The following EPM2A variants were observed in gnomAD, a reference collection of about 807,000 sequenced individuals.
EPM2A encodes laforin.
In EPM2A, 21 loss-of-function variants were observed where a neutral mutation model predicts 26.5. That is an observed-to-expected ratio of 0.79 (90% confidence interval 0.56 to 1.14). The LOEUF (loss-of-function observed/expected upper bound fraction) is 1.14. Ranked by LOEUF, EPM2A falls within the 50% of genes most tolerant of loss-of-function variation. The pLI, the probability that EPM2A is intolerant of heterozygous loss-of-function variation, is 0.00. For missense variants in EPM2A, 458 were observed against 440.8 expected (o/e 1.04, Z -0.35); for synonymous variants, 217 against 177.6 (o/e 1.22, Z -1.76).
intron 1 of EPM2A, among the ~76,000 whole-genome samples, chr6:145,719,539 G>A (rs1775837199): frequency 6.6e-6 from 1 of 151,816 alleles, no homozygotes; most frequent in Non-Finnish European, 1.5e-5. Flanking sequence ...AAGTTAGTGG[G>A]TGCAGCACAC....
intron 4 of EPM2A, among the ~76,000 whole-genome samples, chr6:145,429,704 CTT>C (rs1778897861): frequency 6.6e-6 from 1 of 152,028 alleles, no homozygotes; most frequent in South Asian, 2.1e-4. Context: ...ATAAGGATCT[CTT>C]ATAGAAATTG....
At chr6:145,565,742 C>T (rs767830373) in intron 2 of EPM2A, among the ~76,000 whole-genome samples, 8 of 152,140 alleles carry the variant, frequency 5.3e-5, no homozygotes, top group Non-Finnish European at 8.8e-5. Context: ...TATCAACCTG[C>T]CCAAATGGTC....
At chr6:145,578,336 A>G (rs1209773296) in intron 2 of EPM2A, among the ~76,000 whole-genome samples, 2 of 152,134 alleles carry the variant, frequency 1.3e-5, no homozygotes, top group Non-Finnish European at 2.9e-5. Flanking sequence ...CAAATAAATA[A>G]AACTAGAGAT....
chr6:145,420,902 ATAAC>A (rs1268069885), intron 4 of EPM2A, among the ~76,000 whole-genome samples: 1 of 152,172 alleles, frequency 6.6e-6, no homozygotes, highest in Non-Finnish European at 1.5e-5. Context: ...CACTCCCAAG[ATAAC>A]TAACTCATTT....
chr6:145,467,780 G>T lies in EPM2A; in HGVS notation c.555+34742C>A, dbSNP rs957131615. Among the ~76,000 whole-genome samples, 11 of 151,980 alleles carry T rather than the reference G, an allele frequency of 7.2e-5. No individual in the cohort carries two copies. In the South Asian group the frequency reaches 1.2e-3, roughly 17 times the overall value. On this transcript the variant is annotated intron_variant, in intron 4 of 4. Transcript: ENST00000638717. ...CTGATTTATATATCCTTCAAAGAGT[G>T]TTACACTGTTTTTCGTAACAGTCTT...
At chr6:145,388,062 A>T (rs1253175369) in intron 4 of EPM2A, among the ~76,000 whole-genome samples, 1 of 152,210 alleles carries the variant, frequency 6.6e-6, no homozygotes, top group Non-Finnish European at 1.5e-5. Flanking sequence ...TTTCACAATT[A>T]AACATACATT....
intron 4 of EPM2A, among the ~76,000 whole-genome samples, chr6:145,465,069 T>G (rs999393997): frequency 3.2e-4 from 48 of 152,174 alleles, no homozygotes; most frequent in African/African-American, 1.1e-3. Flanking sequence ...CTGCAGAGTG[T>G]TTTCCAACTT....
chr6:145,560,583 A>G (rs1207338862), intron 2 of EPM2A, among the ~76,000 whole-genome samples: 1 of 152,194 alleles, frequency 6.6e-6, no homozygotes, highest in Non-Finnish European at 1.5e-5. Context: ...GGCAAAATCC[A>G]TATCGACATC....
chr6:145,501,876 A>G (rs1191571209), intron 3 of EPM2A: 5 of 470,940 alleles, frequency 1.1e-5, no homozygotes, highest in Admixed American at 4.7e-5. Context: ...AGATACAGGT[A>G]GAGGTGACAA....
At chr6:145,529,145 G>A (rs985255292) in intron 2 of EPM2A, among the ~76,000 whole-genome samples, 50 of 152,150 alleles carry the variant, frequency 3.3e-4, no homozygotes, top group Non-Finnish European at 7.3e-5. Flanking sequence ...TCTTGAGATA[G>A]AGACTACTCC....
intron 1 of EPM2A, among the ~76,000 whole-genome samples, chr6:145,692,862 T>A (rs1268194591): frequency 6.6e-6 from 1 of 152,106 alleles, no homozygotes; most frequent in Non-Finnish European, 1.5e-5. Flanking sequence ...GTCTCCAGCT[T>A]TGTTCTTTTT....
chr6:145,419,494 A>G (rs946812780), intron 4 of EPM2A, among the ~76,000 whole-genome samples: 2 of 152,220 alleles, frequency 1.3e-5, no homozygotes, highest in Non-Finnish European at 2.9e-5. Flanking sequence ...AAAGATTTTG[A>G]TGTGAATTGC....
chr6:145,630,647 A>T (rs1487319865), intron 3 of EPM2A: 1 of 152,202 alleles, frequency 6.6e-6, no homozygotes, highest in Non-Finnish European at 1.5e-5. Flanking sequence ...TAGCTGGTCC[A>T]GGGTGCCCAC....
intron 4 of EPM2A, among the ~76,000 whole-genome samples, chr6:145,446,961 G>A (rs1002082872): frequency 1.3e-5 from 2 of 152,130 alleles, no homozygotes; most frequent in African/African-American, 4.8e-5. Flanking sequence ...GTTGTTGGTA[G>A]GAGAATTAAT....
intron 1 of EPM2A, among the ~76,000 whole-genome samples, chr6:145,715,345 G>C (rs1380320101): frequency 6.6e-6 from 1 of 151,998 alleles, no homozygotes; most frequent in Admixed American, 6.6e-5. Context: ...AACCGCACAG[G>C]GACAGCTTTG....
intron 2 of EPM2A, among the ~76,000 whole-genome samples, chr6:145,506,415 T>A (rs1779974646): frequency 6.6e-6 from 1 of 152,104 alleles, no homozygotes; most frequent in Non-Finnish European, 1.5e-5. Flanking sequence ...ATGACAGTGT[T>A]CATTATTTCA....
chr6:145,437,176 T>C (rs985860987), intron 4 of EPM2A, among the ~76,000 whole-genome samples: 2 of 152,058 alleles, frequency 1.3e-5, no homozygotes, highest in African/African-American at 4.8e-5. Flanking sequence ...GTGAGTGAGT[T>C]CTCATGAGAT....
intron 2 of EPM2A, among the ~76,000 whole-genome samples, chr6:145,512,610 A>G (rs1780069838): frequency 6.7e-6 from 1 of 149,822 alleles, no homozygotes; most frequent in Non-Finnish European, 1.5e-5. Flanking sequence ...TACTTAGGAG[A>G]CTGAGGCAGA....
chr6:145,647,485 T>C (rs570913595), intron 2 of EPM2A, among the ~76,000 whole-genome samples: 15 of 152,356 alleles, frequency 9.8e-5, no homozygotes, highest in South Asian at 2.1e-4. Context: ...TGTAAAGATA[T>C]GTGCAAACAA....
Sources: gnomAD v4.1 joint callset for allele counts (sites outside exome capture counted in the v4.1 genomes callset) on GRCh38, gnomAD v4.1.1 for gene constraint, MANE v1.5 for transcripts, NCBI Gene and HGNC (gene_info 2026-07-23, HGNC 2026-07-21) for gene names.